The following RAPGEF4 variants were observed in gnomAD, a reference collection of about 807,000 sequenced individuals.
RAPGEF4 encodes the protein RAP guanine-nucleotide-exchange factor (GEF) 4.
RAPGEF4 carries 66 observed loss-of-function variants against 147.9 expected under a neutral mutation model. That is an observed-to-expected ratio of 0.45 (90% CI 0.37 to 0.55). The LOEUF (loss-of-function observed/expected upper bound fraction) is 0.55. Among genes scored for constraint, RAPGEF4 ranks in the 20% least tolerant of loss-of-function variants. The probability of loss-of-function intolerance (pLI) is 0.00; values close to 1 mark genes in which losing one functional copy is unlikely to be tolerated. For missense variants in RAPGEF4, 1,071 were observed against 1,257.3 expected, an observed-to-expected ratio of 0.85 and a Z score of 2.24; for synonymous variants, 419 against 442.7, an observed-to-expected ratio of 0.95 and a Z score of 0.67.
At chr2:172,828,939 T>C (rs745506219) in intron 4 of RAPGEF4, among the ~76,000 whole-genome samples, 2 of 152,148 alleles carry the variant, frequency 1.3e-5, no homozygotes, top group Non-Finnish European at 2.9e-5. Context: ...GAGATGACGA[T>C]CCAGATGATC....
chr2:172,914,280 C>CTCTG (rs1294305715), intron 4 of RAPGEF4, among the ~76,000 whole-genome samples: 1 of 149,540 alleles, frequency 6.7e-6, no homozygotes, highest in East Asian at 2.0e-4. Flanking sequence ...TGCATCTGCC[C>CTCTG]TCTGAGGGAG....
At chr2:172,774,026 G>C (rs1242578039) in intron 1 of RAPGEF4, among the ~76,000 whole-genome samples, 1 of 152,128 alleles carries the variant, frequency 6.6e-6, no homozygotes, top group Admixed American at 6.5e-5. Flanking sequence ...ATTTCACCAG[G>C]ACTACAGGTA....
At chr2:172,882,822 A>G (rs1696771870) in intron 4 of RAPGEF4, among the ~76,000 whole-genome samples, 1 of 152,118 alleles carries the variant, frequency 6.6e-6, no homozygotes, top group Admixed American at 6.5e-5. Context: ...CATCATCATC[A>G]TCACCATTAT....
At position 172,736,000 on chromosome 2, in the gene RAPGEF4, C is replaced by T; in HGVS notation, c.17C>T (p.Ala6Val). Residue 6 changes from alanine (A) to valine (V), a missense_variant, in exon 1 of 31, where the codon GCT (alanine) becomes GTT (valine). By Grantham distance (64) the Ala-to-Val change is moderately conservative. Transcript: ENST00000397081. ...CCGCTCAACATGGTCGCTGCGCACG[C>T]TGCCCATTCTTCCTCCTCTGCCGAG... MVAAHAAHSSSSAEWI... is the reference protein window; with the variant it reads MVAAHVAHSSSSAEWI... 1 of 1,478,744 alleles carries T rather than the reference C, an allele frequency of 6.8e-7. No individual in the cohort carries two copies. Among genetic ancestry groups the T allele is most frequent in the Admixed American group, 2.4e-5 (1 of 42,410 alleles). 91.6% of individuals were successfully genotyped at this position (1,478,744 alleles called of 1,614,324 possible).
intron 1 of RAPGEF4, among the ~76,000 whole-genome samples, chr2:172,783,882 A>G (rs1684932447): frequency 1.3e-5 from 2 of 152,054 alleles, no homozygotes; most frequent in African/African-American, 4.8e-5. Flanking sequence ...TGATGCACCA[A>G]AGTTTTCGGA....
At chr2:172,854,855 A>G (rs1013402296) in intron 4 of RAPGEF4, among the ~76,000 whole-genome samples, 1 of 152,196 alleles carries the variant, frequency 6.6e-6, no homozygotes, top group African/African-American at 2.4e-5. Context: ...TGAAAGAGAA[A>G]GAGCCTCAGA....
At chr2:172,808,933 G>A (rs777526162) in intron 3 of RAPGEF4, among the ~76,000 whole-genome samples, 1 of 152,182 alleles carries the variant, frequency 6.6e-6, no homozygotes, top group Non-Finnish European at 1.5e-5. Flanking sequence ...AGCATGGGCG[G>A]CTTCATCGAC....
At chr2:172,771,582 C>T (rs552624632) in intron 1 of RAPGEF4, among the ~76,000 whole-genome samples, 4 of 152,038 alleles carry the variant, frequency 2.6e-5, no homozygotes, top group South Asian at 4.2e-4. Flanking sequence ...GACAAACTCT[C>T]GTAAGTGTTA....
chr2:172,936,144 G>A (rs1686537425), intron 6 of RAPGEF4, among the ~76,000 whole-genome samples: 1 of 152,120 alleles, frequency 6.6e-6, no homozygotes, highest in South Asian at 2.1e-4. Context: ...CGAGGTGGGT[G>A]GGTTGCCTGA....
chr2:172,742,102 C>A (rs567852534), intron 1 of RAPGEF4, among the ~76,000 whole-genome samples: 1 of 152,184 alleles, frequency 6.6e-6, no homozygotes, highest in Non-Finnish European at 1.5e-5. Context: ...TGTATTTCAT[C>A]TGTAAATATT....
intron 6 of RAPGEF4, among the ~76,000 whole-genome samples, chr2:172,926,186 A>G (rs1250209456): frequency 6.6e-6 from 1 of 152,200 alleles, no homozygotes; most frequent in African/African-American, 2.4e-5. Context: ...TCTTTGATCT[A>G]TTAAAGTTGT....
chr2:172,983,501 G>A lies in RAPGEF4; in HGVS notation c.1010G>A (p.Gly337Asp). The A allele has an allele frequency of 1.2e-6, 2 of 1,609,366 alleles. No homozygotes were observed. The highest frequency in any genetic ancestry group is 8.5e-7 in the Non-Finnish European group (1 of 1,179,120). Residue 337 changes from glycine to aspartate, a missense_variant, in exon 11 of 31, where the codon GGC (glycine) becomes GAC (aspartate). Physicochemically the swap from Gly to Asp is moderately conservative, Grantham distance 94. Coordinates refer to ENST00000397081, the MANE Select transcript of RAPGEF4 (RefSeq NM_007023.4). ...TTTTTTTTTTATCTTTGTAGACCTG[G>A]CCAGAGGACTGTGGATGACCTAGAG... ...HMRMILRKPP[G>D]QRTVDDLEII...
intron 10 of RAPGEF4, among the ~76,000 whole-genome samples, chr2:172,978,198 ACC>A (rs34723448): frequency 4.0e-5 from 6 of 149,144 alleles, no homozygotes; most frequent in African/African-American, 5.1e-5. Context: ...TAGTGGTCAC[ACC>A]CCCCCCAGAG....
At chr2:172,955,915 C>T (rs755428032) in intron 6 of RAPGEF4, among the ~76,000 whole-genome samples, 2 of 152,216 alleles carry the variant, frequency 1.3e-5, no homozygotes, top group Non-Finnish European at 2.9e-5. Context: ...CTCGGATCAA[C>T]TCTTTGCCCT....
At chr2:172,866,194 C>G (rs1351121726) in intron 4 of RAPGEF4, among the ~76,000 whole-genome samples, 1 of 151,978 alleles carries the variant, frequency 6.6e-6, no homozygotes, top group Non-Finnish European at 1.5e-5. Context: ...TATAGCCAAT[C>G]TTTGTCATGG....
intron 1 of RAPGEF4, among the ~76,000 whole-genome samples, chr2:172,783,591 G>A (rs1442789608): frequency 6.6e-6 from 1 of 152,064 alleles, no homozygotes; most frequent in South Asian, 2.1e-4. Context: ...CCTTCAAAGG[G>A]GTTTTTTTCT....
intron 3 of RAPGEF4, among the ~76,000 whole-genome samples, chr2:172,798,572 A>C (rs923761704): frequency 4.7e-5 from 7 of 149,726 alleles, no homozygotes; most frequent in African/African-American, 1.7e-4. Context: ...TGTCCAAAAA[A>C]ATTAAAGAAT....
intron 12 of RAPGEF4, 85 bp from the exon 13 acceptor site, chr2:172,988,111 A>G: frequency 1.4e-6 from 2 of 1,462,334 alleles, no homozygotes; most frequent in Non-Finnish European, 1.8e-6. Flanking sequence ...TTTTCTGGGG[A>G]CTTAAAGTGA....
At chr2:172,976,342 T>C (rs1158454117) in intron 10 of RAPGEF4, among the ~76,000 whole-genome samples, 3 of 152,164 alleles carry the variant, frequency 2.0e-5, no homozygotes, top group Non-Finnish European at 2.9e-5. Flanking sequence ...AGAAAAAACA[T>C]GCTTTGCTGG....
Sources: gnomAD v4.1 joint callset for allele counts (sites outside exome capture counted in the v4.1 genomes callset) on GRCh38, gnomAD v4.1.1 for gene constraint, MANE v1.5 for transcripts, NCBI Gene and HGNC (gene_info 2026-07-23, HGNC 2026-07-21) for gene names.